The following SPNS3 variants were observed in gnomAD, a reference collection of about 807,000 sequenced individuals.
SPNS3 encodes the protein SPNS lysolipid transporter 3, sphingosine-1-phosphate (putative).
A neutral mutation model predicts 54.4 loss-of-function variants in SPNS3; 51 were observed. That is an observed-to-expected ratio of 0.94 (90% CI 0.75 to 1.18). SPNS3 has a LOEUF of 1.18. Ranked by LOEUF, SPNS3 falls within the 50% of genes most tolerant of loss-of-function variation. The pLI, the probability that SPNS3 is intolerant of heterozygous loss-of-function variation, is 0.00. For missense variants in SPNS3, 669 were observed against 677.4 expected (o/e 0.99, Z 0.14); for synonymous variants, 309 against 294.7 (o/e 1.05, Z -0.50).
chr17:4,479,914 C>T (rs773899079), intron 9 of SPNS3, among the ~76,000 whole-genome samples: 3 of 152,222 alleles, frequency 2.0e-5, no homozygotes, highest in Non-Finnish European at 4.4e-5. Context: ...ACAGAGAATG[C>T]TGGCTAGGAT....
At chr17:4,476,947 C>T (rs1347608594) in intron 8 of SPNS3, among the ~76,000 whole-genome samples, 1 of 152,226 alleles carries the variant, frequency 6.6e-6, no homozygotes, top group Non-Finnish European at 1.5e-5. Context: ...GGGTCCCCGG[C>T]TGGCGTGGTC....
chr17:4,446,254 G>A, intron 4 of SPNS3, 55 bp downstream of exon 4: 1 of 1,559,190 alleles, frequency 6.4e-7, no homozygotes, highest in Non-Finnish European at 8.7e-7. Flanking sequence ...GCCCAAAGGA[G>A]TCAGAACAGG....
intron 8 of SPNS3, among the ~76,000 whole-genome samples, chr17:4,460,868 A>G (rs1971480365): frequency 6.6e-6 from 1 of 152,128 alleles, no homozygotes; most frequent in Non-Finnish European, 1.5e-5. Flanking sequence ...GTGGCCTTGT[A>G]ATGAGTTGGC....
chr17:4,458,900 A>G (rs914424387), intron 8 of SPNS3, among the ~76,000 whole-genome samples: 1 of 151,904 alleles, frequency 6.6e-6, no homozygotes, highest in African/African-American at 2.4e-5. Flanking sequence ...AACTAGGCCC[A>G]GCCCCTTATC....
intron 8 of SPNS3, among the ~76,000 whole-genome samples, chr17:4,466,674 T>C (rs895654555): frequency 6.6e-6 from 1 of 151,512 alleles, no homozygotes; most frequent in Admixed American, 6.6e-5. Flanking sequence ...AAACCCTGCC[T>C]CTACTAAACA....
intron 8 of SPNS3, among the ~76,000 whole-genome samples, chr17:4,465,224 G>A (rs1047484885): frequency 6.6e-6 from 1 of 152,172 alleles, no homozygotes; most frequent in African/African-American, 2.4e-5. Flanking sequence ...TGGTACACCT[G>A]TCTGTGGCCT....
At position 4,447,063 on chromosome 17, in the gene SPNS3, A is replaced by G. The variant is rs1597309059; in HGVS notation, c.621+101A>G. ...GCCACTTGGCGTAGCACCCGGCGCC[A>G]TTAGGGGGACGGGGGGTGGTGGTCA... On this transcript the variant is annotated intron_variant, in intron 5 of 11. Transcript: ENST00000355530. The G allele has an allele frequency of 1.9e-5, 21 of 1,133,558 alleles. 1 individual carries two copies. The East Asian group carries it at 4.9e-4, about 26-fold the overall frequency. 70.2% of individuals were successfully genotyped at this position (1,133,558 alleles called of 1,614,324 possible).
Position 4,453,197 on chromosome 17 carries a change from G to A in SPNS3, c.1105G>A (p.Ala369Thr), listed in dbSNP as rs1423205542. 1 of 1,612,290 alleles carries A rather than the reference G, an allele frequency of 6.2e-7. No homozygotes were observed. Among genetic ancestry groups the A allele is most frequent in the African/African-American group, 1.3e-5 (1 of 74,888 alleles). ...CGTCCTGGCCCCGACCACCCTGCTG[G>A]CCTCCTATGTAAGTGAGAGCCTCTA... ...ALVLAPTTLL[A>T]SYVFLGLGEL... Residue 369 changes from alanine (A) to threonine (T), a missense_variant, in exon 8 of 12, where the codon GCC (alanine) becomes ACC (threonine). Coordinates refer to ENST00000355530, the MANE Select transcript of SPNS3 (RefSeq NM_182538.5).
chr17:4,436,857 G>A (rs954706416), intron 1 of SPNS3, among the ~76,000 whole-genome samples: 8 of 152,200 alleles, frequency 5.3e-5, no homozygotes, highest in Non-Finnish European at 1.2e-4. Flanking sequence ...TGTGGGCCAA[G>A]GGCACGCAAA....
At chr17:4,484,130 G>A (rs1336299803) in intron 9 of SPNS3, among the ~76,000 whole-genome samples, 1 of 152,190 alleles carries the variant, frequency 6.6e-6, no homozygotes, top group Non-Finnish European at 1.5e-5. Context: ...CCTAGAGGGA[G>A]AAGGCCTGCA....
intron 8 of SPNS3, among the ~76,000 whole-genome samples, chr17:4,463,412 C>G (rs75079862): frequency 8.0e-6 from 1 of 125,072 alleles, no homozygotes; most frequent in Admixed American, 8.0e-5. Context: ...AAAAAAAAAA[C>G]AAAACAAAAC....
chr17:4,484,579 C>T (rs148114032), intron 9 of SPNS3, among the ~76,000 whole-genome samples: 230 of 152,312 alleles, frequency 1.5e-3, no homozygotes, highest in African/African-American at 5.1e-3. Flanking sequence ...CCTCAGTCTC[C>T]CAAAGTGCTG....
At chr17:4,451,455 A>T (rs1052794329) in intron 7 of SPNS3, among the ~76,000 whole-genome samples, 11 of 152,124 alleles carry the variant, frequency 7.2e-5, no homozygotes, top group African/African-American at 2.2e-4. Context: ...GAGAATTCTC[A>T]GTCATTTGTG....
intron 8 of SPNS3, among the ~76,000 whole-genome samples, chr17:4,469,587 C>T (rs928134558): frequency 1.4e-5 from 2 of 146,258 alleles, no homozygotes; most frequent in Non-Finnish European, 1.5e-5. Context: ...CCACTGCACG[C>T]CAGCCTGGGC....
chr17:4,449,206 A>G, intron 6 of SPNS3, 29 bp from the exon 7 acceptor site: 1 of 1,604,988 alleles, frequency 6.2e-7, no homozygotes, highest in Non-Finnish European at 8.5e-7. Context: ...GCCCTCTCCC[A>G]ACTCCAGCTG....
intron 1 of SPNS3, among the ~76,000 whole-genome samples, chr17:4,439,061 G>C (rs79975883): frequency 3.9e-5 from 6 of 151,990 alleles, no homozygotes; most frequent in Non-Finnish European, 8.8e-5. Flanking sequence ...GTGTGGCTGC[G>C]TGCTTATGTG....
chr17:4,449,862 G>A (rs9898187), intron 7 of SPNS3, among the ~76,000 whole-genome samples: 3,046 of 152,190 alleles, frequency 0.02, 104 homozygotes, highest in African/African-American at 0.068. Context: ...GAGGGGAGGC[G>A]CGGGCACTCT....
Position 4,486,284 on chromosome 17 carries a change from C to A in SPNS3, c.1236C>A (p.Gly412=), listed in dbSNP as rs757172104. ...CAGAGGCACTTCAGATCACGGTGGG[C>A]CACATCCTGGGAGACGCTGGCAGCC... ...GTAEALQITV[G]HILGDAGSPY... Residue 412 remains glycine (G), a synonymous_variant, in exon 10 of 12, where the codon GGC becomes GGA. Transcript: ENST00000355530. This position sits in a 1 kb window ranked among gnomAD's most constrained non-coding sequence, Gnocchi z 5.5. The A allele has an allele frequency of 3.1e-6, 5 of 1,594,304 alleles. No individual in the cohort carries two copies. The highest frequency in any genetic ancestry group is 3.7e-5 in the Admixed American group (2 of 54,594).
At chr17:4,465,896 A>G (rs1567568533) in intron 8 of SPNS3, among the ~76,000 whole-genome samples, 1 of 152,144 alleles carries the variant, frequency 6.6e-6, no homozygotes, top group African/African-American at 2.4e-5. Context: ...CTGACATTGC[A>G]TGGGAAAGTG....
Sources: allele counts gnomAD v4.1 joint callset (sites outside exome capture counted in the v4.1 genomes callset), GRCh38; gene constraint gnomAD v4.1.1; non-coding constraint Gnocchi (gnomAD v3.1); transcripts MANE v1.5; gene names NCBI Gene and HGNC (gene_info 2026-07-23, HGNC 2026-07-21).